PRP4K: variants seen among roughly 807,000 people sequenced by gnomAD.
PRP4K encodes serine/threonine-protein kinase PRP4 homolog.
chr6:4,056,803 T>G, the PRP4K span: 1 of 1,283,258 alleles, frequency 7.8e-7, no homozygotes, highest in Non-Finnish European at 1.0e-6. Context: ...GAAATACATA[T>G]TTTCTTTTGC....
chr6:4,030,135 G>A, the PRP4K span, among the ~76,000 whole-genome samples: 1 of 152,024 alleles, frequency 6.6e-6, no homozygotes, highest in Admixed American at 6.6e-5. Context: ...TAGAGAGGGG[G>A]TTTCCCCATG....
chr6:4,056,913 A>G, the PRP4K span: 1 of 1,127,816 alleles, frequency 8.9e-7, no homozygotes, highest in Non-Finnish European at 1.2e-6. Context: ...TTGTCAAACT[A>G]AGGCATGAAG....
At chr6:4,033,085 T>C in the PRP4K span, among the ~76,000 whole-genome samples, 1 of 152,184 alleles carries the variant, frequency 6.6e-6, no homozygotes, top group Non-Finnish European at 1.5e-5. Flanking sequence ...TGGGGGCGTT[T>C]AGAGAGAGGA....
the PRP4K span, among the ~76,000 whole-genome samples, chr6:4,041,244 A>G: frequency 6.6e-6 from 1 of 152,116 alleles, no homozygotes; most frequent in Non-Finnish European, 1.5e-5. Context: ...TTTGGGAGGA[A>G]TTTTCTATAA....
the PRP4K span, among the ~76,000 whole-genome samples, chr6:4,041,413 A>C: frequency 6.6e-6 from 1 of 152,158 alleles, no homozygotes; most frequent in South Asian, 2.1e-4. Flanking sequence ...AAATACAAAA[A>C]TTAGCCAGGC....
chr6:4,037,797 T>G, the PRP4K span, among the ~76,000 whole-genome samples: 1 of 152,140 alleles, frequency 6.6e-6, no homozygotes, highest in Non-Finnish European at 1.5e-5. Context: ...AATTAGTCTT[T>G]TAAAAATAGG....
the PRP4K span, among the ~76,000 whole-genome samples, chr6:4,036,647 G>T: frequency 6.6e-6 from 1 of 152,030 alleles, no homozygotes; most frequent in African/African-American, 2.4e-5. Context: ...AAAGTGCTGG[G>T]ATTGCAAGTG....
the PRP4K span, chr6:4,047,097 T>C: frequency 1.6e-6 from 2 of 1,263,218 alleles, no homozygotes; most frequent in African/African-American, 3.0e-5. Flanking sequence ...GAATTACTAT[T>C]AATGACTTCC....
chr6:4,055,659 A>C, the PRP4K span, among the ~76,000 whole-genome samples: 2 of 152,252 alleles, frequency 1.3e-5, no homozygotes, highest in Non-Finnish European at 2.9e-5. Flanking sequence ...CTTTCTCAGC[A>C]GATGTCACTA....
the PRP4K span, chr6:4,047,378 G>C: frequency 1.2e-6 from 1 of 802,756 alleles, no homozygotes. Context: ...AAAGGAATCT[G>C]AAAACTCTAC....
At chr6:4,034,367 G>A in the PRP4K span, among the ~76,000 whole-genome samples, 4 of 152,088 alleles carry the variant, frequency 2.6e-5, no homozygotes, top group Admixed American at 6.5e-5. Flanking sequence ...TATTATATGC[G>A]AAGATGTGCC....
the PRP4K span, among the ~76,000 whole-genome samples, chr6:4,030,764 A>G: frequency 1.3e-5 from 2 of 152,222 alleles, no homozygotes; most frequent in African/African-American, 2.4e-5. Context: ...GTACTGTATT[A>G]AATTACTGAT....
the PRP4K span, chr6:4,056,295 A>C: frequency 6.6e-7 from 1 of 1,522,506 alleles, no homozygotes; most frequent in African/African-American, 1.4e-5. Flanking sequence ...GCTTGAATTA[A>C]ATTCCCTTGA....
chr6:4,029,929 G>C, the PRP4K span, among the ~76,000 whole-genome samples: 2 of 146,886 alleles, frequency 1.4e-5, no homozygotes, highest in Non-Finnish European at 3.0e-5. Flanking sequence ...TTTGTAATCT[G>C]TTTTCTTTCT....
the PRP4K span, among the ~76,000 whole-genome samples, chr6:4,029,012 CTTTTTTTTTT>C: frequency 7.5e-6 from 1 of 132,484 alleles, no homozygotes; most frequent in Non-Finnish European, 1.6e-5. Flanking sequence ...TACTTGGAAT[CTTTTTTTTTT>C]TTTTTTTTTT....
chr6:4,060,259 CA>C, the PRP4K span, among the ~76,000 whole-genome samples: 4 of 152,226 alleles, frequency 2.6e-5, no homozygotes, highest in South Asian at 6.2e-4. This position sits in a 1 kb window ranked among gnomAD's most constrained non-coding sequence, Gnocchi z 4.7. Flanking sequence ...GTCATATATG[CA>C]GTCTGTCATT....
the PRP4K span, chr6:4,040,728 T>G: frequency 5.7e-6 from 9 of 1,581,160 alleles, no homozygotes; most frequent in Non-Finnish European, 7.8e-6. Flanking sequence ...TTTCCCACTT[T>G]GACATTTAAA....
At chr6:4,045,381 A>G in the PRP4K span, among the ~76,000 whole-genome samples, 1 of 152,174 alleles carries the variant, frequency 6.6e-6, no homozygotes, top group South Asian at 2.1e-4. Flanking sequence ...GCACAGGTTT[A>G]TCTTGTGCAT....
At chr6:4,052,125 C>T in the PRP4K span, 1 of 1,516,526 alleles carries the variant, frequency 6.6e-7, no homozygotes, top group Non-Finnish European at 8.8e-7. Context: ...CATTAAATTG[C>T]AAATTTAACT....
Sources: allele counts gnomAD v4.1 joint callset (sites outside exome capture counted in the v4.1 genomes callset), GRCh38; gene constraint gnomAD v4.1.1; non-coding constraint Gnocchi (gnomAD v3.1); transcripts MANE v1.5; gene names NCBI Gene and HGNC (gene_info 2026-07-23, HGNC 2026-07-21).